The following UBQLN1 variants were observed in gnomAD, a reference collection of about 807,000 sequenced individuals.
The protein encoded by UBQLN1 is ubiquilin-1.
A neutral mutation model predicts 65.4 loss-of-function variants in UBQLN1; 13 were observed. The observed-to-expected ratio is 0.20, with a 90% CI of 0.13 to 0.32. The LOEUF (loss-of-function observed/expected upper bound fraction) is 0.32. UBQLN1 is among the 10% of genes least tolerant of loss of function. The pLI is 1.00. For missense variants in UBQLN1, 561 were observed against 724.0 expected (o/e 0.77, Z 2.58); for synonymous variants, 267 against 247.8 (o/e 1.08, Z -0.73).
At chr9:83,697,086 C>G (rs1832228380) in intron 1 of UBQLN1, among the ~76,000 whole-genome samples, 1 of 152,006 alleles carries the variant, frequency 6.6e-6, no homozygotes, top group Non-Finnish European at 1.5e-5. Context: ...ATTCAATGAA[C>G]TTTAAAGACT....
intron 1 of UBQLN1, among the ~76,000 whole-genome samples, chr9:83,703,187 G>C: frequency 6.6e-6 from 1 of 151,736 alleles, no homozygotes; most frequent in East Asian, 1.9e-4. Context: ...TCATACACAG[G>C]GACTTTGTGC....
chr9:83,678,373 A>C, intron 5 of UBQLN1, 68 bp downstream of exon 5: 4 of 1,510,252 alleles, frequency 2.6e-6, no homozygotes, highest in Non-Finnish European at 3.5e-6. Flanking sequence ...AGCTACCCTC[A>C]ATCATACACA....
intron 10 of UBQLN1, among the ~76,000 whole-genome samples, chr9:83,662,347 C>G (rs1030775696): frequency 2.6e-5 from 4 of 151,528 alleles, no homozygotes; most frequent in Non-Finnish European, 4.4e-5. Context: ...TGTGTAGCTA[C>G]TGACCAATTG....
chr9:83,685,856 T>TA (rs1214937602), intron 2 of UBQLN1, 148 bp downstream of exon 2: 3 of 666,258 alleles, frequency 4.5e-6, no homozygotes, highest in South Asian at 2.4e-5. Flanking sequence ...TCACACTTTT[T>TA]AAAAAAATTG....
chr9:83,684,806 G>A (rs138447638), intron 2 of UBQLN1, among the ~76,000 whole-genome samples: 19,922 of 134,858 alleles, frequency 0.15, 1,645 homozygotes, highest in Middle Eastern at 0.28. Context: ...GTGAAATTCC[G>A]TCTCAAAAAA....
At chr9:83,706,855 G>A (rs1564175831) in intron 1 of UBQLN1, among the ~76,000 whole-genome samples, 1 of 152,098 alleles carries the variant, frequency 6.6e-6, no homozygotes, top group East Asian at 1.9e-4. Flanking sequence ...GAAAGAGCAA[G>A]TCATCAGTGA....
At chr9:83,691,045 C>T (rs745598858) in intron 1 of UBQLN1, among the ~76,000 whole-genome samples, 3 of 150,928 alleles carry the variant, frequency 2.0e-5, no homozygotes, top group East Asian at 2.0e-4. Context: ...GGCTAAGGCA[C>T]GAGAATCACT....
intron 1 of UBQLN1, among the ~76,000 whole-genome samples, chr9:83,691,914 T>C (rs933873586): frequency 6.6e-6 from 1 of 152,228 alleles, no homozygotes; most frequent in African/African-American, 2.4e-5. Flanking sequence ...TACAGACAAC[T>C]GCATATGACT....
chr9:83,696,915 A>G (rs1832225101), intron 1 of UBQLN1, among the ~76,000 whole-genome samples: 1 of 152,184 alleles, frequency 6.6e-6, no homozygotes, highest in Non-Finnish European at 1.5e-5. Context: ...GATGAGTCCA[A>G]TTACCCTCTG....
Position 83,679,997 on chromosome 9 carries a change from C to T in UBQLN1, c.489G>A (p.Leu163=). The T allele has an allele frequency of 6.2e-7, 1 of 1,614,126 alleles. No individual in the cohort carries two copies. The highest frequency in any genetic ancestry group is 2.2e-5 in the East Asian group (1 of 44,872). The change falls in exon 4 of 11, where the codon TTG becomes TTA. Residue 163 remains leucine (L), a synonymous_variant. Coordinates refer to ENST00000376395, the MANE Select transcript of UBQLN1 (RefSeq NM_013438.5). ...GTAGTTCAGAGAAGTTGGTAGTATT[C>T]AAACCCAAGCTACTCAGACCTGCAA... The part of the protein sequence containing the change: ...GGLAGLSSLG[L]NTTNFSELQS...
intron 7 of UBQLN1, chr9:83,668,004 G>T: frequency 3.0e-6 from 3 of 985,334 alleles, no homozygotes; most frequent in East Asian, 1.1e-4. Flanking sequence ...GCTTGTTAAA[G>T]TCAAATTTTA....
rs890624354 is a variant in UBQLN1, at chr9:83,661,548, A to T, written c.*239T>A. On this transcript the variant is annotated 3_prime_UTR_variant, in exon 11 of 11. Coordinates refer to ENST00000376395, the MANE Select transcript of UBQLN1 (RefSeq NM_013438.5). Reference sequence around the variant, plus strand: ...CCCAACTATAAAAGGTGATGTTTTTAAAAAATTACAATAAATGCAGAAGTG... The same window carrying T: ...CCCAACTATAAAAGGTGATGTTTTTTAAAAATTACAATAAATGCAGAAGTG... 18 of 362,802 alleles carry T rather than the reference A, an allele frequency of 5.0e-5. No individual in the cohort carries two copies. The highest frequency in any genetic ancestry group is 3.1e-4 in the African/African-American group (15 of 47,764). The allele number at this position is 362,802 out of a possible 1,614,324, so 22.5% of individuals were successfully genotyped here. A position where few individuals can be genotyped will look rare whatever the true frequency, so the allele number is the denominator to read the frequency against.
intron 6 of UBQLN1, among the ~76,000 whole-genome samples, chr9:83,676,253 G>T (rs2780995): frequency 0.7 from 107,105 of 152,168 alleles, 38,555 homozygotes; most frequent in East Asian, 0.88. Flanking sequence ...ATTCTTGCTA[G>T]TTCTTGTTTT....
At chr9:83,690,013 CCA>C (rs1832100376) in intron 1 of UBQLN1, among the ~76,000 whole-genome samples, 3 of 152,312 alleles carry the variant, frequency 2.0e-5, no homozygotes, top group Middle Eastern at 6.8e-3. Context: ...CAACTGGAAA[CCA>C]CACACACTGT....
chr9:83,683,614 C>T (rs1198157411), intron 2 of UBQLN1, among the ~76,000 whole-genome samples: 1 of 152,108 alleles, frequency 6.6e-6, no homozygotes, highest in Non-Finnish European at 1.5e-5. Flanking sequence ...GTATAATGTA[C>T]ACAAATATTT....
intron 8 of UBQLN1, 83 bp downstream of exon 8, chr9:83,666,265 CAG>C (rs1465556832): frequency 1.5e-6 from 2 of 1,326,948 alleles, no homozygotes; most frequent in African/African-American, 2.9e-5. Flanking sequence ...TGCTATCAGC[CAG>C]AGAAGAGCAA....
chr9:83,683,884 G>A, intron 2 of UBQLN1, among the ~76,000 whole-genome samples: 1 of 152,076 alleles, frequency 6.6e-6, no homozygotes, highest in Non-Finnish European at 1.5e-5. Flanking sequence ...AGCCGGGCAT[G>A]GTGGCACATG....
chr9:83,685,696 A>G (rs1332134616), intron 2 of UBQLN1, among the ~76,000 whole-genome samples: 1 of 152,122 alleles, frequency 6.6e-6, no homozygotes, highest in Non-Finnish European at 1.5e-5. Flanking sequence ...TAAGTTACTC[A>G]TGATCTTTGT....
At chr9:83,691,075 T>C (rs1832119618) in intron 1 of UBQLN1, among the ~76,000 whole-genome samples, 1 of 149,430 alleles carries the variant, frequency 6.7e-6, no homozygotes, top group Admixed American at 6.7e-5. Flanking sequence ...GAGGCAGAGA[T>C]TGCAGTGAGC....
Sources: allele counts gnomAD v4.1 joint callset (sites outside exome capture counted in the v4.1 genomes callset), GRCh38; gene constraint gnomAD v4.1.1; transcripts MANE v1.5; gene names NCBI Gene and HGNC (gene_info 2026-07-23, HGNC 2026-07-21).